NXN: variants seen among roughly 807,000 people sequenced by gnomAD.
NXN encodes the protein nucleoredoxin 1.
Under a neutral mutation model 48.6 loss-of-function variants are expected in NXN, and 16 were observed. That is an observed-to-expected ratio of 0.33 (90% CI 0.22 to 0.50). The LOEUF (loss-of-function observed/expected upper bound fraction) is 0.50. Ranked by LOEUF, NXN falls within the 20% of genes least tolerant of loss-of-function variation. The pLI, the probability that NXN is intolerant of heterozygous loss-of-function variation, is 0.98. For missense variants in NXN, 492 were observed against 605.5 expected (o/e 0.81, Z 1.97); for synonymous variants, 281 against 269.6 (o/e 1.04, Z -0.41).
intron 1 of NXN, among the ~76,000 whole-genome samples, chr17:961,742 T>C (rs2069240231): frequency 6.6e-6 from 1 of 152,242 alleles, no homozygotes; most frequent in African/African-American, 2.4e-5. Context: ...TTAATTAACA[T>C]TCCCATAGCA....
At position 825,911 on chromosome 17, in the gene NXN, G is replaced by A; in HGVS notation, c.478+50C>T. Reference sequence around the variant, plus strand: ...CGGAGATTAGCCTAAGGGCATGGAGGAGGGAGGGCTGGGTAATAAGAGGAC... The same window carrying A: ...CGGAGATTAGCCTAAGGGCATGGAGAAGGGAGGGCTGGGTAATAAGAGGAC... On this transcript the variant is annotated intron_variant, in intron 2 of 7. Transcript: ENST00000336868. The surrounding 1 kb of genome is among the most constrained non-coding windows in gnomAD (Gnocchi z 4.1). 8.5e-7 allele frequency: 1 copy of A among 1,183,038 alleles called. No individual in the cohort carries two copies. The allele number at this position is 1,183,038 out of a possible 1,614,324, so 73.3% of individuals were successfully genotyped here. A position where few individuals can be genotyped will look rare whatever the true frequency, so the allele number is the denominator to read the frequency against.
intron 1 of NXN, among the ~76,000 whole-genome samples, chr17:841,786 C>G (rs1914338225): frequency 6.6e-6 from 1 of 152,202 alleles, no homozygotes; most frequent in Non-Finnish European, 1.5e-5. Context: ...GGCAAAGGCA[C>G]AAACTGGACA....
chr17:908,986 G>A (rs1226645333), intron 1 of NXN, among the ~76,000 whole-genome samples: 2 of 151,230 alleles, frequency 1.3e-5, no homozygotes, highest in African/African-American at 4.9e-5. Flanking sequence ...CTTGTCTGTA[G>A]CCTCAGCTAC....
At chr17:838,857 G>C (rs890154190) in intron 1 of NXN, among the ~76,000 whole-genome samples, 4 of 152,194 alleles carry the variant, frequency 2.6e-5, no homozygotes, top group Non-Finnish European at 5.9e-5. Context: ...CACCGTTCCG[G>C]GTTGAGTTTG....
chr17:977,415 G>A (rs774988766), intron 1 of NXN, among the ~76,000 whole-genome samples: 2 of 152,244 alleles, frequency 1.3e-5, no homozygotes, highest in Non-Finnish European at 1.5e-5. Flanking sequence ...GGCTAGGGCC[G>A]CAGAATACTT....
intron 1 of NXN, among the ~76,000 whole-genome samples, chr17:944,059 G>A (rs193255024): frequency 7.9e-5 from 12 of 151,800 alleles, no homozygotes; most frequent in African/African-American, 2.4e-4. Flanking sequence ...CCAACATGAC[G>A]AAACCCCGTC....
intron 1 of NXN, among the ~76,000 whole-genome samples, chr17:899,250 A>AC (rs1310188145): frequency 4.6e-5 from 7 of 151,758 alleles, no homozygotes; most frequent in African/African-American, 7.3e-5. Context: ...GAGCCACCGC[A>AC]CCCCGGCCTG....
At chr17:832,518 G>A (rs931902653) in intron 1 of NXN, among the ~76,000 whole-genome samples, 12 of 152,096 alleles carry the variant, frequency 7.9e-5, no homozygotes, top group Non-Finnish European at 1.6e-4. Flanking sequence ...TGGTGGTGGG[G>A]TTTTGGTACC....
intron 1 of NXN, among the ~76,000 whole-genome samples, chr17:948,845 T>C (rs9748058): frequency 4.3e-4 from 13 of 30,310 alleles, no homozygotes; most frequent in African/African-American, 8.3e-4. Flanking sequence ...CTCTCCCCCC[T>C]GCCTCCTCCT....
At chr17:968,923 A>G (rs333637) in intron 1 of NXN, among the ~76,000 whole-genome samples, 13,574 of 151,900 alleles carry the variant, frequency 0.089, 1,879 homozygotes, top group African/African-American at 0.3. Flanking sequence ...GGAGACAGAG[A>G]GAGACACGGT....
rs988459462 is a variant in NXN at position 830,288 on chromosome 17, G to A, written c.361-4210C>T. 3.3e-5 allele frequency among the ~76,000 whole-genome samples: 5 copies of A among 152,170 alleles called. No homozygotes were observed. The highest frequency in any genetic ancestry group is 3.9e-4 in the East Asian group (2 of 5,188). On this transcript the variant is annotated intron_variant, in intron 1 of 7. Transcript: ENST00000336868. The surrounding 1 kb of genome is among the most constrained non-coding windows in gnomAD (Gnocchi z 4.2). ...AAGAGCAGATGAGGCTGCTACCCTCGTGGGGCTCCTCCTCCAGTGGGAGAG... is the reference window on the plus strand; with the variant it reads ...AAGAGCAGATGAGGCTGCTACCCTCATGGGGCTCCTCCTCCAGTGGGAGAG...
intron 1 of NXN, among the ~76,000 whole-genome samples, chr17:874,837 G>A (rs2068196994): frequency 6.6e-6 from 1 of 152,204 alleles, no homozygotes; most frequent in Admixed American, 6.5e-5. Flanking sequence ...AGTCACTACT[G>A]CACACTCCTC....
In NXN at chr17:958,531, G is replaced by C. The variant is rs1275139414; in HGVS notation, c.360+20788C>G. 3.3e-5 allele frequency among the ~76,000 whole-genome samples: 5 copies of C among 152,094 alleles called. No individual in the cohort carries two copies. The highest frequency in any genetic ancestry group is 1.5e-5 in the Non-Finnish European group (1 of 68,022). On this transcript the variant is annotated intron_variant, in intron 1 of 7. Coordinates refer to ENST00000336868, the MANE Select transcript of NXN (RefSeq NM_022463.5). This position sits in a 1 kb window ranked among gnomAD's most constrained non-coding sequence, Gnocchi z 6.9. ...CTCACTCCTATCATCCCAGCACTTT[G>C]GGAGGCCGAAGCGGGTGGATCACGA...
chr17:818,810 G>A (rs59186094), intron 5 of NXN, among the ~76,000 whole-genome samples: 3,668 of 150,918 alleles, frequency 0.024, 126 homozygotes, highest in African/African-American at 0.081. Flanking sequence ...GCGTGAACCC[G>A]GGAGGCGGAG....
chr17:950,532 T>G (rs2069097788), intron 1 of NXN, among the ~76,000 whole-genome samples: 1 of 151,760 alleles, frequency 6.6e-6, no homozygotes, highest in Non-Finnish European at 1.5e-5. Context: ...AAGCTCAGCA[T>G]GTGCTTCTAG....
chr17:954,899 T>C (rs1405596807), intron 1 of NXN, among the ~76,000 whole-genome samples: 1 of 152,242 alleles, frequency 6.6e-6, no homozygotes, highest in Admixed American at 6.5e-5. Flanking sequence ...ATTCCCCCTC[T>C]TAAGAGCTCT....
chr17:882,442 A>G (rs1003328350), intron 1 of NXN, among the ~76,000 whole-genome samples: 1 of 145,806 alleles, frequency 6.9e-6, no homozygotes, highest in African/African-American at 2.6e-5. Flanking sequence ...AACTGCCTCA[A>G]TTGCAGGGGT....
intron 1 of NXN, among the ~76,000 whole-genome samples, chr17:879,172 A>G (rs1226107705): frequency 1.3e-5 from 2 of 152,130 alleles, no homozygotes; most frequent in Admixed American, 1.3e-4. Context: ...TCTCAAAAAA[A>G]ACAACAAGTA....
chr17:807,761 G>C (rs1385664678), intron 5 of NXN, among the ~76,000 whole-genome samples: 12 of 152,270 alleles, frequency 7.9e-5, no homozygotes, highest in Admixed American at 7.8e-4. Context: ...CATGTCTGCT[G>C]TGCCAGGCTG....
Sources: gnomAD v4.1 joint callset for allele counts (sites outside exome capture counted in the v4.1 genomes callset) on GRCh38, gnomAD v4.1.1 for gene constraint, Gnocchi (gnomAD v3.1) non-coding constraint, MANE v1.5 for transcripts, NCBI Gene and HGNC (gene_info 2026-07-23, HGNC 2026-07-21) for gene names.